The following CLTRN variants were observed in gnomAD, a reference collection of about 807,000 sequenced individuals.
The protein encoded by CLTRN is collectrin, amino acid transport regulator, also known as collectrin.
A neutral mutation model predicts 14.5 loss-of-function variants in CLTRN; 12 were observed. The observed-to-expected ratio is 0.83, with a 90% CI of 0.53 to 1.34. CLTRN has a LOEUF of 1.34. Among genes scored for constraint, CLTRN ranks in the 40% most tolerant of loss-of-function variants. The pLI is 0.00. For synonymous variants in CLTRN, 58 were observed against 56.5 expected (o/e 1.03, Z -0.12); for missense variants, 154 against 165.1 (o/e 0.93, Z 0.37).
chrX:15,657,693 T>C (rs1440195874), intron 3 of CLTRN, among the ~76,000 whole-genome samples: 1 of 111,596 alleles, frequency 9.0e-6, no homozygotes, highest in Admixed American at 9.5e-5. Flanking sequence ...TTGAAAAAAG[T>C]TATTATAAAT....
At chrX:15,656,708 G>C (rs1929372847) in intron 3 of CLTRN, among the ~76,000 whole-genome samples, 1 of 111,238 alleles carries the variant, frequency 9.0e-6, no homozygotes, top group Non-Finnish European at 1.9e-5. Flanking sequence ...TCTTCATGTA[G>C]GGGTGCAGCT....
intron 5 of CLTRN, among the ~76,000 whole-genome samples, chrX:15,637,670 T>C: frequency 8.9e-6 from 1 of 112,025 alleles, no homozygotes; most frequent in East Asian, 2.8e-4. Context: ...ACAAACTAGC[T>C]GAAAGGCCAG....
intron 3 of CLTRN, among the ~76,000 whole-genome samples, chrX:15,649,517 A>G (rs1013262110): frequency 1.8e-5 from 2 of 111,828 alleles, no homozygotes; most frequent in African/African-American, 6.5e-5. Context: ...TACCTGCCAA[A>G]TGGTGGTCTT....
chrX:15,636,972 C>G (rs1229468752), intron 5 of CLTRN, among the ~76,000 whole-genome samples: 2 of 111,100 alleles, frequency 1.8e-5, no homozygotes, highest in Non-Finnish European at 3.8e-5. Flanking sequence ...ATACTTGCCA[C>G]TCACTGTCCC....
chrX:15,658,007 T>C (rs1326422998), intron 3 of CLTRN, among the ~76,000 whole-genome samples: 2 of 111,890 alleles, frequency 1.8e-5, no homozygotes, highest in Non-Finnish European at 3.8e-5. Context: ...TAATCATCTA[T>C]ACTGGGCCTT....
At position 15,627,823 on chromosome X, in the gene CLTRN, T is replaced by A; in HGVS notation, c.*148A>T. On this transcript the variant is annotated 3_prime_UTR_variant, in exon 6 of 6. Transcript: ENST00000380342. The stretch of plus-strand genomic sequence containing the variant: ...CAGTGGTGTTGGTGGGTATAATTGA[T>A]TGCTTTTCACTTTCAAGCACATTCA... 1 of 378,772 alleles carries A rather than the reference T, an allele frequency of 2.6e-6. No individual in the cohort carries two copies. 31.2% of individuals were successfully genotyped at this position (378,772 alleles called of 1,213,427 possible).
At chrX:15,654,183 C>T (rs5934258) in intron 3 of CLTRN, among the ~76,000 whole-genome samples, 21,578 of 111,554 alleles carry the variant, frequency 0.19, 1,870 homozygotes, top group East Asian at 0.52. Context: ...ATCCCCTTAC[C>T]GTGGATACAA....
chrX:15,674,671 C>A (rs1385802260), intron 1 of CLTRN, among the ~76,000 whole-genome samples: 1 of 112,852 alleles, frequency 8.9e-6, no homozygotes, highest in Non-Finnish European at 1.9e-5. Context: ...CCGCGGACAT[C>A]TGGTTCCAGG....
At chrX:15,662,333 G>T (rs372127503) in intron 2 of CLTRN, among the ~76,000 whole-genome samples, 1 of 110,828 alleles carries the variant, frequency 9.0e-6, no homozygotes, top group Non-Finnish European at 1.9e-5. Context: ...CGTCTTAGCC[G>T]CCTCCTCTCC....
At chrX:15,654,659 AT>A (rs1348562141) in intron 3 of CLTRN, among the ~76,000 whole-genome samples, 2 of 112,487 alleles carry the variant, frequency 1.8e-5, no homozygotes, top group Non-Finnish European at 3.8e-5. Flanking sequence ...CAAAAAAAGC[AT>A]TTAATATCAG....
rs762331272 is a variant in CLTRN at position 15,659,064 on chromosome X, G to C, written c.155C>G (p.Ala52Gly). 24 of 1,176,192 alleles carry C rather than the reference G, an allele frequency of 2.0e-5. No individual in the cohort carries two copies. The highest frequency in any genetic ancestry group is 2.8e-5 in the Non-Finnish European group (24 of 871,678). Residue 52 changes from alanine (A) to glycine (G), a missense_variant, in exon 3 of 6, where the codon GCG becomes GGG. Coordinates refer to ENST00000380342, the MANE Select transcript of CLTRN (RefSeq NM_020665.6). ...TTTTCTCATGGAGAAAGCTACCATC[G>C]CTTTGAAGAGGTATTCTTCATTGGT... ...WDTNEEYLFK[A>G]MVAFSMRKVP...
intron 1 of CLTRN, among the ~76,000 whole-genome samples, chrX:15,670,375 CTTAA>C (rs1274392073): frequency 9.5e-6 from 1 of 105,045 alleles, no homozygotes; most frequent in African/African-American, 3.5e-5. Flanking sequence ...GTTTTAATAT[CTTAA>C]TTAAATGGCT....
chrX:15,666,582 T>C (rs1929626481), upstream of CLTRN, among the ~76,000 whole-genome samples: 1 of 111,650 alleles, frequency 9.0e-6, no homozygotes, highest in African/African-American at 3.3e-5. Flanking sequence ...CTTGCGAGGG[T>C]GGTATTTTAT....
chrX:15,663,506 T>C (rs1929555221), intron 2 of CLTRN, among the ~76,000 whole-genome samples: 1 of 112,620 alleles, frequency 8.9e-6, no homozygotes. Flanking sequence ...AATGATTTGA[T>C]AGGAGTAAGG....
At chrX:15,646,479 C>T in intron 3 of CLTRN, 1 of 301,937 alleles carries the variant, frequency 3.3e-6, no homozygotes, top group Non-Finnish European at 6.6e-6. Context: ...CGCCCGACCC[C>T]CGCGCCAGAA....
chrX:15,675,296 T>C (rs1480872124), upstream of CLTRN, among the ~76,000 whole-genome samples: 1 of 111,513 alleles, frequency 9.0e-6, no homozygotes, highest in Non-Finnish European at 1.9e-5. Flanking sequence ...GGATGATCAC[T>C]GGGCGAAGGG....
intron 4 of CLTRN, among the ~76,000 whole-genome samples, chrX:15,643,627 G>GT (rs1427287043): frequency 3.6e-5 from 4 of 111,950 alleles, no homozygotes; most frequent in African/African-American, 1.3e-4. Flanking sequence ...TCCCTAAGTG[G>GT]TGAGAGTCTT....
At chrX:15,674,495 T>A (rs778180522) in intron 1 of CLTRN, among the ~76,000 whole-genome samples, 21 of 112,434 alleles carry the variant, frequency 1.9e-4, no homozygotes, top group Non-Finnish European at 3.9e-4. Flanking sequence ...TTAAAGGACA[T>A]GAAACCTAGC....
chrX:15,657,589 A>G (rs1265448016), intron 3 of CLTRN, among the ~76,000 whole-genome samples: 6 of 111,700 alleles, frequency 5.4e-5, no homozygotes, highest in Non-Finnish European at 1.1e-4. Flanking sequence ...CAAAGAGAAT[A>G]TTTAAGAGGT....
Sources: gnomAD v4.1 joint callset for allele counts (sites outside exome capture counted in the v4.1 genomes callset) on GRCh38, gnomAD v4.1.1 for gene constraint, MANE v1.5 for transcripts, NCBI Gene and HGNC (gene_info 2026-07-23, HGNC 2026-07-21) for gene names.